Variants in WDR27 observed in about 807,000 individuals in gnomAD.
WDR27 encodes the protein WD repeat domain 27.
In WDR27, 100 loss-of-function variants were observed where a neutral mutation model predicts 114.4. That is an observed-to-expected ratio of 0.87 (90% CI 0.74 to 1.03). WDR27 has a LOEUF of 1.03. Among genes scored for constraint, WDR27 ranks in the 50% least tolerant of loss-of-function variants. The pLI is 0.00. For missense variants in WDR27, 1,129 were observed against 1,092.9 expected, an observed-to-expected ratio of 1.03 and a Z score of -0.47; for synonymous variants, 449 against 423.1, an observed-to-expected ratio of 1.06 and a Z score of -0.75.
intron 24 of WDR27, among the ~76,000 whole-genome samples, chr6:169,578,666 T>A (rs1353744418): frequency 6.6e-6 from 1 of 152,098 alleles, no homozygotes; most frequent in African/African-American, 2.4e-5. Context: ...ACAGCTGCAC[T>A]AACATCTGCA....
At chr6:169,583,492 TATATATATATATGTATATATACACACAC>T (rs372575464) in intron 23 of WDR27, among the ~76,000 whole-genome samples, 63,594 of 103,266 alleles carry the variant, frequency 0.62, 17,988 homozygotes, top group Non-Finnish European at 0.7. Context: ...TATATACATA[TATATATATATATGTATATATACACACAC>T]ACACACACAC....
At chr6:169,650,912 G>GT (rs1349516247) in intron 14 of WDR27, among the ~76,000 whole-genome samples, 2 of 152,134 alleles carry the variant, frequency 1.3e-5, no homozygotes, top group East Asian at 3.9e-4. Flanking sequence ...AGGGTGCTGA[G>GT]TGCTGTCCCA....
chr6:169,630,440 G>C (rs1183052460), intron 21 of WDR27, among the ~76,000 whole-genome samples: 1 of 152,216 alleles, frequency 6.6e-6, no homozygotes, highest in East Asian at 1.9e-4. Flanking sequence ...GCAAACCCTA[G>C]TCTGCACTCA....
At chr6:169,492,639 G>A (rs73789968) in intron 25 of WDR27, among the ~76,000 whole-genome samples, 3 of 151,644 alleles carry the variant, frequency 2.0e-5, no homozygotes, top group Admixed American at 6.6e-5. Context: ...GAGAAATTAC[G>A]ACTTACTTTC....
chr6:169,669,735 A>C (rs1049046974), intron 4 of WDR27: 10 of 152,112 alleles, frequency 6.6e-5, no homozygotes, highest in Non-Finnish European at 1.3e-4. Flanking sequence ...ACTTCCCATC[A>C]TCTCTCTGTG....
intron 25 of WDR27, among the ~76,000 whole-genome samples, chr6:169,466,533 C>T (rs1785612134): frequency 6.6e-6 from 1 of 152,106 alleles, no homozygotes; most frequent in African/African-American, 2.4e-5. Context: ...GTAACTGCTC[C>T]CACAATTCAA....
chr6:169,684,060 A>G lies in WDR27; in HGVS notation c.189+4757T>C, dbSNP rs1198246189. Reference sequence around the variant, plus strand: ...ATCTTTACTATACCAAGCCCACATGAGTGGCTGAATGTCACAACCCCAGTT... The same window carrying G: ...ATCTTTACTATACCAAGCCCACATGGGTGGCTGAATGTCACAACCCCAGTT... On this transcript the variant is annotated intron_variant, in intron 2 of 25. Coordinates refer to ENST00000448612, the MANE Select transcript of WDR27 (RefSeq NM_182552.5). The surrounding 1 kb of genome is among the most constrained non-coding windows in gnomAD (Gnocchi z 4.3). Among the ~76,000 whole-genome samples, 1 of 152,122 alleles carries G rather than the reference A, an allele frequency of 6.6e-6. No individual in the cohort carries two copies. Among genetic ancestry groups the G allele is most frequent in the African/African-American group, 2.4e-5 (1 of 41,418 alleles).
At chr6:169,516,638 T>C (rs997492815) in intron 25 of WDR27, among the ~76,000 whole-genome samples, 2 of 152,114 alleles carry the variant, frequency 1.3e-5, no homozygotes, top group Non-Finnish European at 2.9e-5. Flanking sequence ...TTAAAAGTTC[T>C]ATTACATCCT....
At chr6:169,688,695 A>G (rs1211361142) in intron 2 of WDR27, 122 bp downstream of exon 2, 1 of 522,852 alleles carries the variant, frequency 1.9e-6, no homozygotes, top group Non-Finnish European at 3.2e-6. Flanking sequence ...GTTTTTATCA[A>G]TATTTTTCTC....
intron 25 of WDR27, among the ~76,000 whole-genome samples, chr6:169,521,743 A>C (rs1009352837): frequency 7.2e-5 from 11 of 151,988 alleles, no homozygotes; most frequent in Admixed American, 2.6e-4. Context: ...AAAATAACTT[A>C]TTATATCTAT....
chr6:169,504,866 T>A (rs1337968878), intron 25 of WDR27, among the ~76,000 whole-genome samples: 1 of 152,212 alleles, frequency 6.6e-6, no homozygotes, highest in Non-Finnish European at 1.5e-5. Flanking sequence ...CCCAAGGTGC[T>A]GTGATTACAG....
intron 25 of WDR27, among the ~76,000 whole-genome samples, chr6:169,499,255 AG>A: frequency 6.6e-6 from 1 of 152,336 alleles, no homozygotes; most frequent in South Asian, 2.1e-4. Flanking sequence ...GTCAGCACCG[AG>A]GGTGCACAGC....
At chr6:169,521,930 G>T (rs1794434869) in intron 25 of WDR27, among the ~76,000 whole-genome samples, 1 of 151,786 alleles carries the variant, frequency 6.6e-6, no homozygotes, top group Admixed American at 6.6e-5. Context: ...AAAGAGAGGG[G>T]TTACAAAACA....
chr6:169,582,790 G>T (rs1317819353), intron 24 of WDR27, 46 bp downstream of exon 24: 2 of 1,444,424 alleles, frequency 1.4e-6, no homozygotes, highest in East Asian at 2.3e-5. Flanking sequence ...TATAATGTAA[G>T]ACTTGTATGC....
intron 20 of WDR27, among the ~76,000 whole-genome samples, chr6:169,634,067 A>T: frequency 6.6e-6 from 1 of 152,222 alleles, no homozygotes; most frequent in Non-Finnish European, 1.5e-5. Flanking sequence ...TCCATTTCAT[A>T]TTATTTTGAA....
intron 6 of WDR27, chr6:169,666,470 C>T: frequency 1.0e-6 from 1 of 985,474 alleles, no homozygotes; most frequent in Non-Finnish European, 1.2e-6. Flanking sequence ...TCTGGGAAGA[C>T]AGAACGTGCA....
At chr6:169,578,158 G>C (rs1298079951) in intron 24 of WDR27, among the ~76,000 whole-genome samples, 2 of 152,224 alleles carry the variant, frequency 1.3e-5, no homozygotes, top group African/African-American at 4.8e-5. Flanking sequence ...GTCCTTCTGA[G>C]ATTTCAAGCT....
Position 169,501,557 on chromosome 6 carries a change from G to C in WDR27, c.2646-43923C>G, listed in dbSNP as rs1411017335. ...TGAATCTATCTAGCCCGCAGGAAAAGATGCAGTGAACTTTTGAACCAGCAG... is the reference window on the plus strand; with the variant it reads ...TGAATCTATCTAGCCCGCAGGAAAACATGCAGTGAACTTTTGAACCAGCAG... On this transcript the variant is annotated intron_variant, in intron 25 of 25. Coordinates refer to ENST00000448612, the MANE Select transcript of WDR27 (RefSeq NM_182552.5). 3.3e-5 allele frequency among the ~76,000 whole-genome samples: 5 copies of C among 152,266 alleles called. No homozygotes were observed. In the East Asian group the frequency reaches 9.6e-4, roughly 29 times the overall value.
At chr6:169,452,565 GGGT>G (rs1784199991), downstream of WDR27, among the ~76,000 whole-genome samples, 1 of 149,766 alleles carries the variant, frequency 6.7e-6, no homozygotes, top group Admixed American at 6.6e-5. Context: ...GCCGTGCGTG[GGGT>G]CAGAGAGGAG....
Sources: allele counts gnomAD v4.1 joint callset (sites outside exome capture counted in the v4.1 genomes callset), GRCh38; gene constraint gnomAD v4.1.1; non-coding constraint Gnocchi (gnomAD v3.1); transcripts MANE v1.5; gene names NCBI Gene and HGNC (gene_info 2026-07-23, HGNC 2026-07-21).